MCF2L2: variants seen among roughly 807,000 people sequenced by gnomAD.
The protein encoded by MCF2L2 is MCF.2 cell line derived transforming sequence-like 2.
In MCF2L2, 102 loss-of-function variants were observed where a neutral mutation model predicts 150.2. The ratio of observed to expected loss-of-function variants is 0.68; its 90% CI spans 0.58 to 0.80. MCF2L2 has a LOEUF of 0.80. MCF2L2 is among the 30% of genes least tolerant of loss of function. The pLI, the probability that MCF2L2 is intolerant of heterozygous loss-of-function variation, is 0.00. For synonymous variants in MCF2L2, 465 were observed against 491.3 expected, an observed-to-expected ratio of 0.95 and a Z score of 0.71; for missense variants, 1,256 against 1,372.8, an observed-to-expected ratio of 0.91 and a Z score of 1.34.
At chr3:183,245,384 C>T (rs1327977893) in intron 15 of MCF2L2, among the ~76,000 whole-genome samples, 1 of 152,130 alleles carries the variant, frequency 6.6e-6, no homozygotes, top group Non-Finnish European at 1.5e-5. Flanking sequence ...GGGCTGGAGT[C>T]ATGGCCACAC....
chr3:183,410,563 G>A (rs897667896), intron 1 of MCF2L2, among the ~76,000 whole-genome samples: 2 of 152,146 alleles, frequency 1.3e-5, no homozygotes, highest in East Asian at 1.9e-4. Context: ...AATACCATCC[G>A]TTCATTGACC....
At chr3:183,288,741 A>G (rs915103738) in intron 14 of MCF2L2, among the ~76,000 whole-genome samples, 1 of 152,064 alleles carries the variant, frequency 6.6e-6, no homozygotes, top group Non-Finnish European at 1.5e-5. Flanking sequence ...CGGCCTCCCA[A>G]AGTGCTGGGA....
chr3:183,422,138 T>G (rs1715915624), intron 1 of MCF2L2, among the ~76,000 whole-genome samples: 1 of 152,190 alleles, frequency 6.6e-6, no homozygotes, highest in South Asian at 2.1e-4. Context: ...AGGTTCCATA[T>G]AACTCTAGTT....
rs966654119 is a variant in MCF2L2 at position 183,179,186 on chromosome 3, TC to T, written c.*193del. On this transcript the variant is annotated 3_prime_UTR_variant, in exon 30 of 30. Transcript: ENST00000328913. This position sits in a 1 kb window ranked among gnomAD's most constrained non-coding sequence, Gnocchi z 4.2. ...CAGGCGCCTTAGAGCAGCTCCGAGGTCCCCCGTGCGGAGCTAGGCGCGCACC... is the reference window on the plus strand; with the variant it reads ...CAGGCGCCTTAGAGCAGCTCCGAGGTCCCCGTGCGGAGCTAGGCGCGCACC... 4 of 671,004 alleles carry T rather than the reference TC, an allele frequency of 6.0e-6. No individual in the cohort carries two copies. The highest frequency in any genetic ancestry group is 4.1e-5 in the South Asian group (1 of 24,354). 41.6% of individuals were successfully genotyped at this position (671,004 alleles called of 1,614,324 possible).
chr3:183,181,223 G>A lies in MCF2L2; in HGVS notation c.3017-1064C>T, dbSNP rs140882645. 3.3e-5 allele frequency among the ~76,000 whole-genome samples: 5 copies of A among 152,184 alleles called. No individual in the cohort carries two copies. Among genetic ancestry groups the A allele is most frequent in the Non-Finnish European group, 5.9e-5 (4 of 67,992 alleles). On this transcript the variant is annotated intron_variant, in intron 27 of 29. Transcript: ENST00000328913. The surrounding 1 kb of genome is among the most constrained non-coding windows in gnomAD (Gnocchi z 4.3). ...TGGGTGAGCAGGCAGCACAAGTAGC[G>A]TCTCCTGGGCTGCTGCCCCAAGCCC... is the stretch of plus-strand genomic sequence containing the variant.
intron 15 of MCF2L2, among the ~76,000 whole-genome samples, chr3:183,232,643 A>G (rs1723611939): frequency 6.6e-6 from 1 of 152,238 alleles, no homozygotes; most frequent in African/African-American, 2.4e-5. Context: ...TCTCATAAAA[A>G]TGGATGTGAC....
chr3:183,335,124 A>G (rs1351481108), intron 5 of MCF2L2, among the ~76,000 whole-genome samples: 5 of 137,338 alleles, frequency 3.6e-5, no homozygotes, highest in Middle Eastern at 7.2e-3. Context: ...TCTTAAAAAA[A>G]AAAAAGAAAA....
chr3:183,402,938 A>AC (rs1714849130), intron 1 of MCF2L2, among the ~76,000 whole-genome samples: 1 of 151,986 alleles, frequency 6.6e-6, no homozygotes, highest in African/African-American at 2.4e-5. Flanking sequence ...TTAAAAAAAA[A>AC]ACACTTGATG....
At chr3:183,387,186 G>C (rs1224558681) in intron 2 of MCF2L2, among the ~76,000 whole-genome samples, 1 of 151,226 alleles carries the variant, frequency 6.6e-6, no homozygotes, top group East Asian at 1.9e-4. Flanking sequence ...GATCACTTGA[G>C]CCTGGGAGGT....
In MCF2L2 at chr3:183,305,919, T is replaced by C. The variant is rs990618378; in HGVS notation, c.1113+3797A>G. On this transcript the variant is annotated intron_variant, in intron 10 of 29. Transcript: ENST00000328913. This position sits in a 1 kb window ranked among gnomAD's most constrained non-coding sequence, Gnocchi z 4.1. The stretch of plus-strand genomic sequence containing the variant: ...TGGCTGGAAGGTCACTATTACAGAA[T>C]TGAAAGGACAACAATAGTTTCTGAC... Among the ~76,000 whole-genome samples the C allele has an allele frequency of 1.3e-5, 2 of 152,102 alleles. No individual in the cohort carries two copies. The highest frequency in any genetic ancestry group is 4.8e-5 in the African/African-American group (2 of 41,424).
chr3:183,213,121 T>A (rs1722797055), intron 22 of MCF2L2, among the ~76,000 whole-genome samples: 2 of 152,036 alleles, frequency 1.3e-5, no homozygotes, highest in African/African-American at 4.8e-5. Context: ...TACAAGTACA[T>A]CCTTTAGTGG....
chr3:183,401,317 G>A (rs1272286568), intron 1 of MCF2L2, among the ~76,000 whole-genome samples: 4 of 152,184 alleles, frequency 2.6e-5, no homozygotes, highest in Non-Finnish European at 5.9e-5. Flanking sequence ...CAATCAGCAA[G>A]TAATAAATGT....
intron 22 of MCF2L2, among the ~76,000 whole-genome samples, chr3:183,211,178 A>G (rs1028186207): frequency 6.6e-6 from 1 of 152,166 alleles, no homozygotes; most frequent in African/African-American, 2.4e-5. Flanking sequence ...GGTGCACTTG[A>G]CATATACAGG....
chr3:183,352,932 ATAACT>A (rs1711560615), intron 3 of MCF2L2, among the ~76,000 whole-genome samples: 1 of 152,158 alleles, frequency 6.6e-6, no homozygotes, highest in African/African-American at 2.4e-5. Flanking sequence ...TCTTTAGATA[ATAACT>A]TAACCATTTC....
intron 3 of MCF2L2, among the ~76,000 whole-genome samples, chr3:183,344,635 T>C (rs777242804): frequency 1.3e-5 from 2 of 152,052 alleles, no homozygotes; most frequent in Non-Finnish European, 2.9e-5. Flanking sequence ...GACTGGCAAA[T>C]TGGATAAAGA....
At chr3:183,347,486 A>G (rs1437430292) in intron 3 of MCF2L2, among the ~76,000 whole-genome samples, 4 of 152,250 alleles carry the variant, frequency 2.6e-5, no homozygotes, top group African/African-American at 7.2e-5. Flanking sequence ...CATTCAGGAC[A>G]TAGGCGTGGC....
At chr3:183,392,921 T>A (rs935524773) in intron 1 of MCF2L2, among the ~76,000 whole-genome samples, 1 of 152,134 alleles carries the variant, frequency 6.6e-6, no homozygotes, top group Non-Finnish European at 1.5e-5. Context: ...TCCACTGCAA[T>A]GGGAAAGGAT....
chr3:183,306,919 C>T (rs1729126824), intron 10 of MCF2L2, among the ~76,000 whole-genome samples: 1 of 152,204 alleles, frequency 6.6e-6, no homozygotes, highest in Non-Finnish European at 1.5e-5. Flanking sequence ...CAGCAAGGGT[C>T]TCAGTACGGC....
chr3:183,216,523 A>G (rs1393280592), intron 21 of MCF2L2, among the ~76,000 whole-genome samples: 1 of 135,452 alleles, frequency 7.4e-6, no homozygotes, highest in Non-Finnish European at 1.6e-5. Flanking sequence ...TTTATATATT[A>G]TATATTATAT....
Sources: allele counts gnomAD v4.1 joint callset (sites outside exome capture counted in the v4.1 genomes callset), GRCh38; gene constraint gnomAD v4.1.1; non-coding constraint Gnocchi (gnomAD v3.1); transcripts MANE v1.5; gene names NCBI Gene and HGNC (gene_info 2026-07-23, HGNC 2026-07-21).